CASK: variants seen among roughly 807,000 people sequenced by gnomAD.
CASK encodes calcium/calmodulin dependent serine protein kinase.
In CASK, 4 loss-of-function variants were observed where a neutral mutation model predicts 82.9. The ratio of observed to expected loss-of-function variants is 0.05; its 90% CI spans 0.02 to 0.11. The LOEUF (loss-of-function observed/expected upper bound fraction) is 0.11. CASK is among the 10% of genes least tolerant of loss of function. The pLI, the probability that CASK is intolerant of heterozygous loss-of-function variation, is 1.00. For missense variants in CASK, 358 were observed against 720.9 expected (o/e 0.50, Z 5.76); for synonymous variants, 259 against 253.5 (o/e 1.02, Z -0.20).
intron 2 of CASK, among the ~76,000 whole-genome samples, chrX:41,800,183 A>G (rs4518802): frequency 8.5e-4 from 95 of 111,332 alleles, no homozygotes; most frequent in African/African-American, 3.0e-3. Context: ...GAGTACTTTC[A>G]GCACCTGGTG....
chrX:41,700,311 T>C (rs1445427366), intron 5 of CASK, among the ~76,000 whole-genome samples: 1 of 111,819 alleles, frequency 8.9e-6, no homozygotes, highest in Non-Finnish European at 1.9e-5. Flanking sequence ...AACGAAAGAC[T>C]TACTGAAAGT....
intron 5 of CASK, among the ~76,000 whole-genome samples, chrX:41,720,237 A>AT (rs1166373958): frequency 1.8e-5 from 2 of 113,189 alleles, no homozygotes; most frequent in African/African-American, 6.4e-5. Flanking sequence ...TCACACTCTG[A>AT]TTAAGGGTGG....
At chrX:41,582,859 ATC>A (rs1240676441) in intron 14 of CASK, among the ~76,000 whole-genome samples, 2 of 111,621 alleles carry the variant, frequency 1.8e-5, no homozygotes, top group Admixed American at 9.5e-5. Flanking sequence ...CTTTACTATA[ATC>A]TCTGCACCAT....
At position 41,669,251 on chromosome X, in the gene CASK, G is replaced by A. The variant is rs778377609; in HGVS notation, c.532+2177C>T. ...CATTTTGAATACTGACATACCAGCGGTGGGCGGTGGGGGGGAGTTCAAAAT... is the reference window on the plus strand; with the variant it reads ...CATTTTGAATACTGACATACCAGCGATGGGCGGTGGGGGGGAGTTCAAAAT... On this transcript the variant is annotated intron_variant, in intron 6 of 26. Coordinates refer to ENST00000378163, the MANE Select transcript of CASK (RefSeq NM_001367721.1). Among the ~76,000 whole-genome samples the A allele has an allele frequency of 2.7e-5, 3 of 111,269 alleles. No homozygotes were observed. In the South Asian group the frequency reaches 1.1e-3, roughly 42 times the overall value.
At chrX:41,770,201 G>GT (rs112128637) in intron 3 of CASK, among the ~76,000 whole-genome samples, 1,047 of 97,894 alleles carry the variant, frequency 0.011, 9 homozygotes, top group African/African-American at 0.023. Context: ...AGCTGAGCTT[G>GT]TTTTTTTTTT....
At chrX:41,887,866 G>T (rs763938034) in intron 1 of CASK, among the ~76,000 whole-genome samples, 1 of 109,788 alleles carries the variant, frequency 9.1e-6, no homozygotes, top group East Asian at 2.8e-4. Flanking sequence ...CTACCACCAT[G>T]ACCAACAAAA....
intron 4 of CASK, chrX:41,743,499 T>A (rs2068630991): frequency 7.0e-6 from 2 of 286,463 alleles, no homozygotes; most frequent in Admixed American, 6.2e-5. Context: ...AGAACACACA[T>A]AAACTTTCAT....
rs755004903 is a variant in CASK, at chrX:41,727,730, C to T, written c.429+11654G>A. 54 of 1,203,335 alleles carry T rather than the reference C, an allele frequency of 4.5e-5. 1 individual carries two copies. The South Asian group carries it at 5.3e-4, about 12-fold the overall frequency. On this transcript the variant is annotated intron_variant, in intron 5 of 26. Coordinates refer to ENST00000378163, the MANE Select transcript of CASK (RefSeq NM_001367721.1). ...CATCTGAGAAAAATAAGAACCTGTACGTCCATTATGGAGAAAGATTTGACT... is the reference window on the plus strand; with the variant it reads ...CATCTGAGAAAAATAAGAACCTGTATGTCCATTATGGAGAAAGATTTGACT...
intron 5 of CASK, among the ~76,000 whole-genome samples, chrX:41,725,115 A>C (rs2068236248): frequency 1.8e-5 from 2 of 111,900 alleles, no homozygotes; most frequent in Admixed American, 1.9e-4. Flanking sequence ...ACTTACAATG[A>C]AGCATATGGA....
At chrX:41,635,049 G>A (rs1275918242) in intron 9 of CASK, among the ~76,000 whole-genome samples, 5 of 111,853 alleles carry the variant, frequency 4.5e-5, no homozygotes, top group Non-Finnish European at 7.5e-5. Flanking sequence ...TAGCATGGTT[G>A]AATAGATCCT....
Position 41,704,951 on chromosome X carries a change from A to T in CASK, c.430-33421T>A, listed in dbSNP as rs143913037. On this transcript the variant is annotated intron_variant, in intron 5 of 26. Coordinates refer to ENST00000378163, the MANE Select transcript of CASK (RefSeq NM_001367721.1). The stretch of plus-strand genomic sequence containing the variant: ...TAAATGTACCTGGCCAAGTAGAAAC[A>T]TGCAATATATGGTATCTAAATACCC... 8.0e-5 allele frequency among the ~76,000 whole-genome samples: 9 copies of T among 111,883 alleles called. No homozygotes were observed. In the East Asian group the frequency reaches 2.5e-3, roughly 31 times the overall value.
chrX:41,649,853 T>C (rs1246299963), intron 8 of CASK, among the ~76,000 whole-genome samples: 3 of 111,417 alleles, frequency 2.7e-5, no homozygotes, highest in Middle Eastern at 4.6e-3. Flanking sequence ...CAGTGGGGTG[T>C]TAAAGTCTCC....
intron 5 of CASK, among the ~76,000 whole-genome samples, chrX:41,705,064 G>C (rs891186356): frequency 6.2e-5 from 7 of 112,421 alleles, no homozygotes; most frequent in African/African-American, 1.9e-4. Context: ...ATACATAGTG[G>C]AAGTTGATCT....
At chrX:41,630,781 C>CA (rs1238398924) in intron 9 of CASK, among the ~76,000 whole-genome samples, 1 of 111,369 alleles carries the variant, frequency 9.0e-6, no homozygotes, top group African/African-American at 3.3e-5. Flanking sequence ...CGACTGAACT[C>CA]AAAAGCCCTA....
intron 2 of CASK, among the ~76,000 whole-genome samples, chrX:41,846,981 T>G (rs958467427): frequency 5.4e-5 from 6 of 111,678 alleles, no homozygotes; most frequent in Admixed American, 1.9e-4. Flanking sequence ...GAAAGAAATC[T>G]GCTGTTAATA....
intron 2 of CASK, among the ~76,000 whole-genome samples, chrX:41,806,921 C>T (rs979244584): frequency 1.3e-4 from 15 of 111,345 alleles, no homozygotes; most frequent in Non-Finnish European, 2.3e-4. Flanking sequence ...AAACATACTT[C>T]TTTGAAAATA....
chrX:41,688,954 T>C (rs1286940517), intron 5 of CASK: 1 of 105,077 alleles, frequency 9.5e-6, no homozygotes, highest in East Asian at 3.0e-4. Flanking sequence ...CATATGAACA[T>C]AAAAAAGAAG....
intron 5 of CASK, among the ~76,000 whole-genome samples, chrX:41,704,897 A>G (rs1369628438): frequency 8.9e-6 from 1 of 111,738 alleles, no homozygotes; most frequent in Non-Finnish European, 1.9e-5. Context: ...CCTAACTCAT[A>G]GGGTTGTTAG....
chrX:41,833,420 A>G (rs914526961), intron 2 of CASK, among the ~76,000 whole-genome samples: 9 of 111,861 alleles, frequency 8.0e-5, no homozygotes, highest in African/African-American at 2.9e-4. Flanking sequence ...TTTATACAAA[A>G]TGTCCAAAAA....
Sources: allele counts gnomAD v4.1 joint callset (sites outside exome capture counted in the v4.1 genomes callset), GRCh38; gene constraint gnomAD v4.1.1; transcripts MANE v1.5; gene names NCBI Gene and HGNC (gene_info 2026-07-23, HGNC 2026-07-21).